SRI: variants seen among roughly 807,000 people sequenced by gnomAD.
SRI encodes the protein 22 kDa protein.
A neutral mutation model predicts 33.3 loss-of-function variants in SRI; 30 were observed. The observed-to-expected ratio is 0.90, with a 90% CI of 0.67 to 1.22. The LOEUF is 1.22. Among genes scored for constraint, SRI ranks in the 50% most tolerant of loss-of-function variants. The probability of loss-of-function intolerance (pLI) is 0.00; values close to 1 mark genes in which losing one functional copy is unlikely to be tolerated. For missense variants in SRI, 243 were observed against 250.8 expected (o/e 0.97, Z 0.21); for synonymous variants, 75 against 89.9 (o/e 0.83, Z 0.94).
chr7:88,219,537 G>GTTTTT (rs529955240), intron 1 of SRI: 187 of 185,680 alleles, frequency 1.0e-3, no homozygotes, highest in African/African-American at 4.4e-3. Context: ...CTTCTCACTC[G>GTTTTT]TTTTTTGTTT....
At chr7:88,215,198 G>T (rs1343452131) in intron 3 of SRI, among the ~76,000 whole-genome samples, 1 of 152,174 alleles carries the variant, frequency 6.6e-6, no homozygotes, top group South Asian at 2.1e-4. Context: ...TGGTTCTGTG[G>T]TTCAGTACGG....
chr7:88,219,861 A>C, intron 1 of SRI, 115 bp downstream of exon 1: 1 of 1,305,942 alleles, frequency 7.7e-7, no homozygotes, highest in South Asian at 1.4e-5. Context: ...CGAGGGCGGA[A>C]GGAGCCCGGG....
chr7:88,226,627 C>T (rs1474963343), intron 1 of SRI, among the ~76,000 whole-genome samples: 1 of 152,108 alleles, frequency 6.6e-6, no homozygotes, highest in Non-Finnish European at 1.5e-5. Context: ...TTCCATGAAG[C>T]ATATATATAA....
intron 3 of SRI, 129 bp from the exon 4 acceptor site, chr7:88,211,054 G>A: frequency 5.3e-6 from 4 of 754,376 alleles, no homozygotes; most frequent in Admixed American, 2.5e-5. Context: ...CAATTTACGT[G>A]TGACTAATCA....
At chr7:88,211,355 T>G (rs1851574143) in intron 3 of SRI, among the ~76,000 whole-genome samples, 1 of 152,050 alleles carries the variant, frequency 6.6e-6, no homozygotes, top group Non-Finnish European at 1.5e-5. Flanking sequence ...CTCAGAAGGT[T>G]GAGGCAGGAG....
upstream of SRI, chr7:88,220,084 C>T (rs1851852183): frequency 9.6e-6 from 14 of 1,459,134 alleles, no homozygotes; most frequent in Non-Finnish European, 1.2e-5. Context: ...CCGCCCCCTG[C>T]CCCGCCCCGC....
chr7:88,218,783 T>C, intron 2 of SRI, 76 bp downstream of exon 2: 2 of 1,459,690 alleles, frequency 1.4e-6, no homozygotes, highest in Middle Eastern at 1.7e-4. Flanking sequence ...GAAGTTCGCT[T>C]TTCTGTGTCA....
chr7:88,220,129 G>C, upstream of SRI: 1 of 1,359,866 alleles, frequency 7.4e-7, no homozygotes, highest in Non-Finnish European at 9.4e-7. Flanking sequence ...AGCGCACCAC[G>C]CGGGCGTGGG....
chr7:88,220,155 T>G (rs1410709148), upstream of SRI: 3 of 1,340,496 alleles, frequency 2.2e-6, no homozygotes, highest in African/African-American at 4.7e-5. Context: ...CGCTCCGCAG[T>G]CGTCTCCAGC....
intron 7 of SRI, among the ~76,000 whole-genome samples, chr7:88,206,771 A>G (rs958540962): frequency 1.3e-5 from 2 of 152,224 alleles, no homozygotes; most frequent in Non-Finnish European, 2.9e-5. Context: ...AATTATTTGA[A>G]TAATTATTTA....
intron 7 of SRI, among the ~76,000 whole-genome samples, chr7:88,206,798 C>A (rs734909): frequency 0.092 from 13,950 of 151,566 alleles, 912 homozygotes; most frequent in Non-Finnish European, 0.14. Context: ...AAATAATATC[C>A]AAGACTAGAA....
At chr7:88,214,151 C>A (rs1211558807) in intron 3 of SRI, among the ~76,000 whole-genome samples, 1 of 152,128 alleles carries the variant, frequency 6.6e-6, no homozygotes, top group East Asian at 1.9e-4. Flanking sequence ...TCAAGAAAGA[C>A]TTTATAGAAG....
chr7:88,219,901 G>C, intron 1 of SRI, 75 bp downstream of exon 1: 1 of 1,503,764 alleles, frequency 6.6e-7, no homozygotes, highest in Admixed American at 2.0e-5. Context: ...CACCCCGCTG[G>C]CCGCAGCATC....
rs138662877 is a variant in SRI, at chr7:88,210,056, G to A, written c.324C>T (p.His108=). 5.3e-4 allele frequency: 855 copies of A among 1,614,124 alleles called. 8 individuals carry two copies. In the East Asian group the frequency reaches 0.012, roughly 24 times the overall value. Residue 108 remains histidine, a synonymous_variant, in exon 5 of 8, where the codon CAC becomes CAT. Transcript: ENST00000265729. Reference sequence around the variant, plus strand: ...TCCTGTCAGTGTCAAAACTGATAAAGTGTTGTCTCCAGCCATTCAGTACAG... The same window carrying A: ...TCCTGTCAGTGTCAAAACTGATAAAATGTTGTCTCCAGCCATTCAGTACAG... ...LWAVLNGWRQ[H]FISFDTDRSG...
At chr7:88,211,776 C>T (rs1369203562) in intron 3 of SRI, among the ~76,000 whole-genome samples, 1 of 152,094 alleles carries the variant, frequency 6.6e-6, no homozygotes, top group African/African-American at 2.4e-5. Flanking sequence ...AATAAGAGTA[C>T]TCTAGATAAG....
chr7:88,218,848 G>A lies in SRI; in HGVS notation c.135+11C>T. The A allele has an allele frequency of 8.1e-6, 13 of 1,613,746 alleles. No individual in the cohort carries two copies. Among genetic ancestry groups the A allele is most frequent in the Non-Finnish European group, 1.1e-5 (13 of 1,179,728 alleles). On this transcript the variant is annotated intron_variant, in intron 2 of 7. Coordinates refer to ENST00000265729, the MANE Select transcript of SRI (RefSeq NM_003130.4). ...AATAACGGCTCTTTAATATTAAAGGGAAAAGCTAACCTGTCCAGCTACAGC... is the reference window on the plus strand; with the variant it reads ...AATAACGGCTCTTTAATATTAAAGGAAAAAGCTAACCTGTCCAGCTACAGC...
chr7:88,205,863 A>G lies in SRI; in HGVS notation c.*615T>C, dbSNP rs1288451838. ...CTTTTTCTATCAATTTTCTTTTTAT[A>G]TAGTTAAGCTTATAATGTACAAGAT... On this transcript the variant is annotated 3_prime_UTR_variant, in exon 8 of 8. Coordinates refer to ENST00000265729, the MANE Select transcript of SRI (RefSeq NM_003130.4). 3.3e-5 allele frequency: 5 copies of G among 152,618 alleles called. No individual in the cohort carries two copies. Among genetic ancestry groups the G allele is most frequent in the Non-Finnish European group, 5.9e-5 (4 of 68,040 alleles). 9.5% of individuals were successfully genotyped at this position (152,618 alleles called of 1,614,324 possible).
chr7:88,223,236 A>G (rs1425776526), upstream of SRI, among the ~76,000 whole-genome samples: 5 of 152,238 alleles, frequency 3.3e-5, no homozygotes, highest in African/African-American at 9.6e-5. Flanking sequence ...AGACATATAT[A>G]TAATAATAAA....
upstream of SRI, among the ~76,000 whole-genome samples, chr7:88,223,417 A>T (rs548298895): frequency 3.3e-5 from 5 of 152,254 alleles, no homozygotes; most frequent in South Asian, 2.1e-4. Flanking sequence ...CTCTACACCC[A>T]GGGGCAGGTA....
Sources: gnomAD v4.1 joint callset for allele counts (sites outside exome capture counted in the v4.1 genomes callset) on GRCh38, gnomAD v4.1.1 for gene constraint, MANE v1.5 for transcripts, NCBI Gene and HGNC (gene_info 2026-07-23, HGNC 2026-07-21) for gene names.